TACC2: variants seen among roughly 807,000 people sequenced by gnomAD.
TACC2 encodes the protein transforming acidic coiled-coil containing protein 2, also known as transforming acidic coiled-coil-containing protein 2.
TACC2 carries 137 observed loss-of-function variants against 227.3 expected under a neutral mutation model. The ratio of observed to expected loss-of-function variants is 0.60; its 90% confidence interval spans 0.52 to 0.69. TACC2 has a LOEUF of 0.69. Ranked by LOEUF, TACC2 falls within the 30% of genes least tolerant of loss-of-function variation. The pLI, the probability that TACC2 is intolerant of heterozygous loss-of-function variation, is 0.00. For missense variants in TACC2, 3,470 were observed against 3,694.4 expected, an observed-to-expected ratio of 0.94 and a Z score of 1.57; for synonymous variants, 1,523 against 1,487.5, an observed-to-expected ratio of 1.02 and a Z score of -0.55.
intron 5 of TACC2, among the ~76,000 whole-genome samples, chr10:122,129,220 C>G (rs2087547217): frequency 6.6e-6 from 1 of 151,918 alleles, no homozygotes. Flanking sequence ...CCACACCTGG[C>G]TAATTTTTTG....
At chr10:122,139,104 G>C (rs1395705101) in intron 6 of TACC2, among the ~76,000 whole-genome samples, 3 of 152,180 alleles carry the variant, frequency 2.0e-5, no homozygotes, top group Non-Finnish European at 4.4e-5. Context: ...CTATGGTTTT[G>C]GGATGGTGTT....
At chr10:122,029,247 T>C (rs1038191238) in intron 2 of TACC2, among the ~76,000 whole-genome samples, 2 of 151,578 alleles carry the variant, frequency 1.3e-5, no homozygotes, top group African/African-American at 4.9e-5. Context: ...CATGAATGAG[T>C]GTTCGGTTTT....
At chr10:122,116,561 C>A (rs1390663431) in intron 5 of TACC2, among the ~76,000 whole-genome samples, 1 of 152,204 alleles carries the variant, frequency 6.6e-6, no homozygotes, top group Non-Finnish European at 1.5e-5. Context: ...GGCCGCTTAT[C>A]CCTGCCCACC....
At chr10:122,239,249 T>G (rs1317379217) in intron 18 of TACC2, among the ~76,000 whole-genome samples, 1 of 152,234 alleles carries the variant, frequency 6.6e-6, no homozygotes, top group Non-Finnish European at 1.5e-5. Flanking sequence ...CCTTAGGTGA[T>G]CTGCCTGCCT....
intron 5 of TACC2, among the ~76,000 whole-genome samples, chr10:122,124,846 A>G (rs982992592): frequency 6.6e-6 from 1 of 152,218 alleles, no homozygotes; most frequent in Non-Finnish European, 1.5e-5. Flanking sequence ...CTATATGAGT[A>G]ATATAAATGT....
intron 5 of TACC2, among the ~76,000 whole-genome samples, chr10:122,107,984 T>C (rs990282392): frequency 1.4e-5 from 2 of 146,750 alleles, no homozygotes; most frequent in Admixed American, 7.1e-5. Context: ...CTCCGCCTCC[T>C]GGGTTCACGC....
intron 5 of TACC2, among the ~76,000 whole-genome samples, chr10:122,096,651 G>A (rs1006359630): frequency 1.1e-4 from 16 of 148,234 alleles, no homozygotes; most frequent in Admixed American, 6.8e-4. Flanking sequence ...AACTGAGATC[G>A]CGCCATTGCA....
At chr10:122,133,749 G>A (rs1323716862) in intron 6 of TACC2, among the ~76,000 whole-genome samples, 3 of 152,158 alleles carry the variant, frequency 2.0e-5, no homozygotes, top group Non-Finnish European at 2.9e-5. Context: ...GCAGTCACCC[G>A]TTGTGCCCCT....
chr10:122,193,295 T>C (rs558663570), intron 7 of TACC2, among the ~76,000 whole-genome samples: 1 of 152,268 alleles, frequency 6.6e-6, no homozygotes, highest in South Asian at 2.1e-4. Flanking sequence ...ACTGACAAAC[T>C]AGTTGTAAAA....
intron 7 of TACC2, among the ~76,000 whole-genome samples, chr10:122,147,659 C>T (rs1054546638): frequency 3.3e-5 from 5 of 152,178 alleles, no homozygotes; most frequent in Non-Finnish European, 7.3e-5. Flanking sequence ...CCTGGATATT[C>T]ATTTTATTCT....
At chr10:121,992,454 T>C (rs543129377) in intron 1 of TACC2, among the ~76,000 whole-genome samples, 1 of 152,346 alleles carries the variant, frequency 6.6e-6, no homozygotes, top group Admixed American at 6.5e-5. Context: ...ACACAAGAAC[T>C]TCAAGAAAAG....
At chr10:122,005,370 C>T (rs1416442872) in intron 1 of TACC2, among the ~76,000 whole-genome samples, 1 of 148,360 alleles carries the variant, frequency 6.7e-6, no homozygotes, top group Admixed American at 6.8e-5. Context: ...AGGTGTGAGC[C>T]ACCACGCCCA....
At chr10:122,008,955 A>G (rs1210386856) in intron 1 of TACC2, among the ~76,000 whole-genome samples, 1 of 152,210 alleles carries the variant, frequency 6.6e-6, no homozygotes, top group Non-Finnish European at 1.5e-5. Context: ...TTTTTTAAAG[A>G]ATTTTCTATG....
chr10:122,243,289 CCAGGTCACTG>C (rs2096044992), intron 19 of TACC2, among the ~76,000 whole-genome samples: 2 of 152,256 alleles, frequency 1.3e-5, no homozygotes, highest in South Asian at 4.1e-4. Flanking sequence ...AGTAAAAACT[CCAGGTCACTG>C]CAGACCACGC....
chr10:122,165,955 C>T (rs892393331), intron 7 of TACC2, among the ~76,000 whole-genome samples: 1 of 152,190 alleles, frequency 6.6e-6, no homozygotes, highest in East Asian at 1.9e-4. Context: ...AATATATATT[C>T]GGAGAGTGCC....
intron 1 of TACC2, among the ~76,000 whole-genome samples, chr10:122,013,386 G>T (rs1249489365): frequency 6.6e-6 from 1 of 152,078 alleles, no homozygotes; most frequent in Non-Finnish European, 1.5e-5. Context: ...CTCTTTCCTG[G>T]GCTACGGCTG....
intron 2 of TACC2, chr10:122,022,554 C>G (rs1159561664): frequency 2.6e-5 from 4 of 152,480 alleles, no homozygotes; most frequent in African/African-American, 9.7e-5. Context: ...CAGGCATGAG[C>G]CACCAGGCCT....
intron 1 of TACC2, among the ~76,000 whole-genome samples, chr10:122,005,382 CTTTTTTT>C (rs1250192833): frequency 2.5e-5 from 3 of 119,198 alleles, no homozygotes; most frequent in African/African-American, 9.5e-5. Context: ...CCACGCCCAG[CTTTTTTT>C]TTTTTTTTTG....
intron 3 of TACC2, among the ~76,000 whole-genome samples, chr10:122,078,068 G>A (rs986572843): frequency 2.0e-5 from 3 of 151,818 alleles, no homozygotes; most frequent in African/African-American, 4.8e-5. Context: ...GGTGGTGCAC[G>A]CCTGTAGTCC....
Sources: gnomAD v4.1 joint callset for allele counts (sites outside exome capture counted in the v4.1 genomes callset) on GRCh38, gnomAD v4.1.1 for gene constraint, MANE v1.5 for transcripts, NCBI Gene and HGNC (gene_info 2026-07-23, HGNC 2026-07-21) for gene names.